POMT1: variants seen among roughly 807,000 people sequenced by gnomAD.
The protein encoded by POMT1 is protein O-mannosyl-transferase 1.
POMT1 carries 85 observed loss-of-function variants against 101.6 expected under a neutral mutation model. The ratio of observed to expected loss-of-function variants is 0.84; its 90% CI spans 0.70 to 1.00. POMT1 has a LOEUF of 1.00. POMT1 is among the 50% of genes least tolerant of loss of function. The pLI, the probability that POMT1 is intolerant of heterozygous loss-of-function variation, is 0.00. For synonymous variants in POMT1, 371 were observed against 383.0 expected (o/e 0.97, Z 0.37); for missense variants, 857 against 930.4 (o/e 0.92, Z 1.03).
At chr9:131,511,911 A>T in intron 10 of POMT1, 130 bp from the exon 11 acceptor site, 1 of 870,542 alleles carries the variant, frequency 1.1e-6, no homozygotes, top group Non-Finnish European at 1.9e-6. Context: ...GGGTCTCACT[A>T]TGTTGCCCAG....
chr9:131,513,726 G>T (rs910173536), intron 12 of POMT1, among the ~76,000 whole-genome samples: 2 of 152,200 alleles, frequency 1.3e-5, no homozygotes, highest in Non-Finnish European at 2.9e-5. Flanking sequence ...GGAAGCTCGG[G>T]CACGAGTGGA....
chr9:131,509,914 T>C lies in POMT1; in HGVS notation c.617T>C (p.Met206Thr), dbSNP rs755399120. ...ACSCAVGIKYMGVFTYVLVLG... is the reference protein window; with the variant it reads ...ACSCAVGIKYTGVFTYVLVLG... ...TCATGTCTTTGCAGCATCAAGTACATGGGTGTGTTCACGTACGTGCTCGTG... is the reference window on the plus strand; with the variant it reads ...TCATGTCTTTGCAGCATCAAGTACACGGGTGTGTTCACGTACGTGCTCGTG... The change falls in exon 8 of 20, where the codon ATG becomes ACG. Residue 206 changes from methionine (M) to threonine (T), a missense_variant. Physicochemically the swap from Met to Thr is moderately conservative, Grantham distance 81 (BLOSUM62 -1). Coordinates refer to ENST00000402686, the MANE Select transcript of POMT1 (RefSeq NM_001077365.2). 6.2e-7 allele frequency: 1 copy of C among 1,614,226 alleles called. No homozygotes were observed. The highest frequency in any genetic ancestry group is 1.1e-5 in the South Asian group (1 of 91,086).
At chr9:131,518,149 T>C (rs2131842206) in intron 13 of POMT1, 1 of 445,572 alleles carries the variant, frequency 2.2e-6, no homozygotes, top group South Asian at 2.0e-5. Context: ...GCCCTATGAA[T>C]AGGCTTTGCA....
intron 13 of POMT1, among the ~76,000 whole-genome samples, chr9:131,516,081 G>A (rs1005980439): frequency 3.3e-5 from 2 of 60,130 alleles, no homozygotes; most frequent in African/African-American, 7.3e-5. Context: ...TTCCTCACAC[G>A]GAGCACTTCC....
At chr9:131,505,297 A>ATT (rs34623621) in intron 2 of POMT1, among the ~76,000 whole-genome samples, 101,900 of 137,432 alleles carry the variant, frequency 0.74, 38,368 homozygotes, top group East Asian at 0.89. Flanking sequence ...AAAGATGAGG[A>ATT]TTTTTTTTTT....
chr9:131,504,625 C>T (rs759049976), intron 2 of POMT1, among the ~76,000 whole-genome samples: 8 of 151,950 alleles, frequency 5.3e-5, no homozygotes, highest in Non-Finnish European at 7.4e-5. Flanking sequence ...AAAGTCTGGA[C>T]GGCAGAGGAT....
At chr9:131,513,892 G>C (rs966250615) in intron 12 of POMT1, among the ~76,000 whole-genome samples, 2 of 152,264 alleles carry the variant, frequency 1.3e-5, no homozygotes, top group African/African-American at 4.8e-5. Context: ...AGGGCCCTCC[G>C]GCCTTGCTGC....
At chr9:131,517,314 T>C (rs1180095769) in intron 13 of POMT1, among the ~76,000 whole-genome samples, 6 of 152,120 alleles carry the variant, frequency 3.9e-5, no homozygotes, top group African/African-American at 1.4e-4. Flanking sequence ...TACTGCAGTG[T>C]TGGCCTCCCA....
intron 11 of POMT1, 62 bp from the exon 12 acceptor site, chr9:131,513,177 G>A (rs1947501944): frequency 7.2e-7 from 1 of 1,397,890 alleles, no homozygotes; most frequent in Non-Finnish European, 1.0e-6. Context: ...TGCCCCTCCG[G>A]TGCAGCTGTT....
rs1286340333 is a variant in POMT1, at chr9:131,503,962, G to A, written c.-30-227G>A. On this transcript the variant is annotated intron_variant, in intron 1 of 19. Transcript: ENST00000402686. The surrounding 1 kb of genome is among the most constrained non-coding windows in gnomAD (Gnocchi z 4.4). ...GGTTTTGTGGAATGAGTTGTTGAAA[G>A]GAGTGAATGTCCAGTCCTGAGATCC... Among the ~76,000 whole-genome samples, 2 of 152,200 alleles carry A rather than the reference G, an allele frequency of 1.3e-5. No homozygotes were observed. The highest frequency in any genetic ancestry group is 1.9e-4 in the East Asian group (1 of 5,198).
rs1359854528 is a variant in POMT1, at chr9:131,514,898, G to C, written c.1176-528G>C. On this transcript the variant is annotated intron_variant, in intron 12 of 19. Coordinates refer to ENST00000402686, the MANE Select transcript of POMT1 (RefSeq NM_001077365.2). ...TTGAACCCAGGAGGCAGAGATTGCA[G>C]TGAGCTGAGATCGCGCCATTTGCAC... 3.3e-5 allele frequency among the ~76,000 whole-genome samples: 5 copies of C among 152,364 alleles called. No individual in the cohort carries two copies. In the East Asian group the frequency reaches 5.8e-4, roughly 18 times the overall value.
chr9:131,512,236 ACTGACT>A lies in POMT1; in HGVS notation c.1082+103_1082+108del, dbSNP rs1339698493. The A allele has an allele frequency of 1.2e-5, 18 of 1,542,450 alleles. No individual in the cohort carries two copies. The East Asian group carries it at 4.1e-4, about 35-fold the overall frequency. On this transcript the variant is annotated intron_variant, in intron 11 of 19. Transcript: ENST00000402686. ...CTGGGCCCCCTTCTTTCCCTCCCTC[ACTGACT>A]CTAGTCACCGTCATGGCCTTGAACA...
At position 131,512,145 on chromosome 9, in the gene POMT1, A is replaced by C; in HGVS notation, c.1082+9A>C. On this transcript the variant is annotated intron_variant, in intron 11 of 19. Coordinates refer to ENST00000402686, the MANE Select transcript of POMT1 (RefSeq NM_001077365.2). ...GTAAAGGATCCCAGGAGGTGAGTGC[A>C]GGTCCTGTGACTCCAGAGCAGAGCT... The C allele has an allele frequency of 6.2e-7, 1 of 1,613,502 alleles. No homozygotes were observed. Among genetic ancestry groups the C allele is most frequent in the Non-Finnish European group, 8.5e-7 (1 of 1,179,786 alleles).
chr9:131,520,220 A>G lies in POMT1; in HGVS notation c.1698+27A>G, dbSNP rs199653099. The G allele has an allele frequency of 2.1e-5, 32 of 1,553,572 alleles. No homozygotes were observed. The East Asian group carries it at 7.2e-4, about 35-fold the overall frequency. On this transcript the variant is annotated intron_variant, in intron 17 of 19. Coordinates refer to ENST00000402686, the MANE Select transcript of POMT1 (RefSeq NM_001077365.2). ...TAAGCGAGCGATGCTGACAGCTGACAGTCATAGATTCATCCTGTTTCTTGA... is the reference window on the plus strand; with the variant it reads ...TAAGCGAGCGATGCTGACAGCTGACGGTCATAGATTCATCCTGTTTCTTGA...
intron 13 of POMT1, 125 bp from the exon 14 acceptor site, chr9:131,518,320 C>T (rs754664484): frequency 2.3e-6 from 2 of 881,094 alleles, no homozygotes; most frequent in Non-Finnish European, 3.9e-6. Context: ...TAGCTTCCCT[C>T]ACTTGGGGAC....
rs1481843539 is a variant in POMT1 at position 131,507,433 on chromosome 9, G to C, written c.346G>C (p.Val116Leu). The change falls in exon 5 of 20, where the codon GTC becomes CTC. Residue 116 changes from valine (V) to leucine (L), a missense_variant. Coordinates refer to ENST00000402686, the MANE Select transcript of POMT1 (RefSeq NM_001077365.2). The stretch of plus-strand genomic sequence containing the variant: ...GCCAGCACTCGCGGGGGCCTTGTCG[G>C]TCCCCATGGCCTACCAGATAGTGTT... The part of the protein sequence containing the change: ...LLPALAGALS[V>L]PMAYQIVLEL... The C allele has an allele frequency of 1.2e-6, 2 of 1,614,154 alleles. No homozygotes were observed. Among genetic ancestry groups the C allele is most frequent in the Non-Finnish European group, 8.5e-7 (1 of 1,180,030 alleles).
intron 10 of POMT1, 141 bp downstream of exon 10, chr9:131,511,608 G>A (rs1947129686): frequency 8.7e-7 from 1 of 1,145,816 alleles, no homozygotes; most frequent in African/African-American, 1.5e-5. Flanking sequence ...CTGATTGCCA[G>A]TGAGCTTCGT....
At chr9:131,514,989 T>G (rs1947991357) in intron 12 of POMT1, among the ~76,000 whole-genome samples, 2 of 152,140 alleles carry the variant, frequency 1.3e-5, no homozygotes, top group Non-Finnish European at 2.9e-5. Flanking sequence ...TCGTTAACAT[T>G]GAGGTTGATA....
chr9:131,514,021 T>C (rs1181853277), intron 12 of POMT1, among the ~76,000 whole-genome samples: 1 of 152,196 alleles, frequency 6.6e-6, no homozygotes. Flanking sequence ...CCCTGGCTTT[T>C]CTGGTTCTCC....
Sources: gnomAD v4.1 joint callset for allele counts (sites outside exome capture counted in the v4.1 genomes callset) on GRCh38, gnomAD v4.1.1 for gene constraint, Gnocchi (gnomAD v3.1) non-coding constraint, MANE v1.5 for transcripts, NCBI Gene and HGNC (gene_info 2026-07-23, HGNC 2026-07-21) for gene names.